KCNC2: variants seen among roughly 807,000 people sequenced by gnomAD.
KCNC2 encodes the protein voltage-gated potassium channel KCNC2.
KCNC2 carries 21 observed loss-of-function variants against 44.5 expected under a neutral mutation model. That is an observed-to-expected ratio of 0.47 (90% CI 0.33 to 0.68). The LOEUF is 0.68. KCNC2 is among the 30% of genes least tolerant of loss of function. The pLI is 0.01. For missense variants in KCNC2, 589 were observed against 826.2 expected (o/e 0.71, Z 3.52); for synonymous variants, 391 against 339.1 (o/e 1.15, Z -1.68).
At chr12:75,088,993 C>T (rs1241910566) in intron 2 of KCNC2, among the ~76,000 whole-genome samples, 4 of 151,712 alleles carry the variant, frequency 2.6e-5, no homozygotes, top group Non-Finnish European at 5.9e-5. Context: ...ATCAAGTGAA[C>T]AAGAAAATGC....
At chr12:75,106,152 A>C (rs1886764972) in intron 2 of KCNC2, among the ~76,000 whole-genome samples, 1 of 152,158 alleles carries the variant, frequency 6.6e-6, no homozygotes, top group African/African-American at 2.4e-5. Flanking sequence ...GCTGTTGATG[A>C]ATCTCAGTGT....
intron 2 of KCNC2, among the ~76,000 whole-genome samples, chr12:75,190,434 T>C (rs1390377693): frequency 6.6e-6 from 1 of 152,340 alleles, no homozygotes; most frequent in East Asian, 1.9e-4. Flanking sequence ...AATCAAAGGT[T>C]ATGCTTTCCT....
chr12:75,071,218 T>C (rs1057085096), intron 2 of KCNC2, among the ~76,000 whole-genome samples: 8 of 152,154 alleles, frequency 5.3e-5, no homozygotes, highest in African/African-American at 1.9e-4. Context: ...CAAAAGGCAT[T>C]ACATAATGCC....
chr12:75,073,713 A>T (rs1883640791), intron 2 of KCNC2, among the ~76,000 whole-genome samples: 1 of 152,170 alleles, frequency 6.6e-6, no homozygotes. Context: ...TGATTTTTGA[A>T]TGTGTTTGTT....
chr12:75,128,875 A>G (rs1888631534), intron 2 of KCNC2, among the ~76,000 whole-genome samples: 1 of 152,188 alleles, frequency 6.6e-6, no homozygotes, highest in South Asian at 2.1e-4. Context: ...TCACATGCTA[A>G]TCAGATGCAA....
rs531579616 is a variant in KCNC2 at position 75,073,441 on chromosome 12, A to G, written c.688-22124T>C. On this transcript the variant is annotated intron_variant, in intron 2 of 4. Coordinates refer to ENST00000549446, the MANE Select transcript of KCNC2 (RefSeq NM_139137.4). The stretch of plus-strand genomic sequence containing the variant: ...TATCTTCTCACTTCTTGAGATAGGT[A>G]AGATTTCCAAAAAATTAAACCAAAG... Among the ~76,000 whole-genome samples the G allele has an allele frequency of 4.6e-5, 7 of 152,288 alleles. No homozygotes were observed. The South Asian group carries it at 1.4e-3, about 32-fold the overall frequency.
chr12:75,140,786 T>C (rs958311326), intron 2 of KCNC2, among the ~76,000 whole-genome samples: 1 of 152,082 alleles, frequency 6.6e-6, no homozygotes, highest in East Asian at 1.9e-4. Context: ...ATAAAACTTT[T>C]AATGTAACGA....
intron 2 of KCNC2, among the ~76,000 whole-genome samples, chr12:75,141,896 G>A (rs1469747629): frequency 6.6e-6 from 1 of 152,070 alleles, no homozygotes; most frequent in Non-Finnish European, 1.5e-5. Context: ...CCTGTGCTAA[G>A]CAAATTATGT....
chr12:75,076,850 G>C (rs1462480127), intron 2 of KCNC2, among the ~76,000 whole-genome samples: 1 of 151,976 alleles, frequency 6.6e-6, no homozygotes, highest in Non-Finnish European at 1.5e-5. Flanking sequence ...TTATTAATTG[G>C]GTGTTAATAA....
chr12:75,048,811 A>C (rs1198590096), intron 3 of KCNC2, among the ~76,000 whole-genome samples: 1 of 152,122 alleles, frequency 6.6e-6, no homozygotes, highest in Admixed American at 6.6e-5. Context: ...AAAGCACACA[A>C]ACTCCGTTTC....
chr12:75,131,797 T>G (rs534476611), intron 2 of KCNC2, among the ~76,000 whole-genome samples: 29 of 152,264 alleles, frequency 1.9e-4, no homozygotes, highest in Non-Finnish European at 3.7e-4. Flanking sequence ...AACATCTGAA[T>G]GAGCTTCACG....
chr12:75,107,445 C>G (rs1179697169), intron 2 of KCNC2, among the ~76,000 whole-genome samples: 3 of 151,982 alleles, frequency 2.0e-5, no homozygotes. Flanking sequence ...AAATATTTTT[C>G]AGCGTCTATG....
chr12:75,043,297 AAAT>A, intron 4 of KCNC2, 56 bp from the exon 5 acceptor site: 2 of 1,601,852 alleles, frequency 1.2e-6, no homozygotes, highest in Non-Finnish European at 1.7e-6. Context: ...ATAGACAGAC[AAAT>A]AATACCATGC....
intron 4 of KCNC2, among the ~76,000 whole-genome samples, chr12:75,045,484 AT>A (rs1251862713): frequency 2.0e-5 from 3 of 151,942 alleles, no homozygotes; most frequent in Non-Finnish European, 2.9e-5. Context: ...TCATGTACAT[AT>A]TTTTTCTTTA....
intron 2 of KCNC2, among the ~76,000 whole-genome samples, chr12:75,161,213 A>G (rs956414857): frequency 1.3e-5 from 2 of 151,768 alleles, no homozygotes; most frequent in African/African-American, 2.4e-5. Context: ...AATAATTATT[A>G]TATGGAACTT....
At chr12:75,084,268 A>ATTAT (rs1565840265) in intron 2 of KCNC2, among the ~76,000 whole-genome samples, 1 of 50,562 alleles carries the variant, frequency 2.0e-5, no homozygotes, top group East Asian at 5.2e-4. Context: ...AGATAGATAG[A>ATTAT]TTAGATAGAT....
chr12:75,208,482 CCTCCT>C (rs1194602546), intron 1 of KCNC2, among the ~76,000 whole-genome samples: 1 of 151,696 alleles, frequency 6.6e-6, no homozygotes, highest in Admixed American at 6.6e-5. Context: ...TCTCCAAGAC[CCTCCT>C]CTTTCTCCCC....
intron 2 of KCNC2, among the ~76,000 whole-genome samples, chr12:75,065,696 G>A (rs1882763515): frequency 1.3e-5 from 2 of 152,006 alleles, no homozygotes; most frequent in South Asian, 4.1e-4. Context: ...AGTGTAGTAG[G>A]CAATGCCACC....
chr12:75,138,815 C>A (rs1273242764), intron 2 of KCNC2, among the ~76,000 whole-genome samples: 1 of 151,786 alleles, frequency 6.6e-6, no homozygotes, highest in Non-Finnish European at 1.5e-5. Context: ...CCCGTCTCTA[C>A]TAAAAAATAC....
Sources: allele counts gnomAD v4.1 joint callset (sites outside exome capture counted in the v4.1 genomes callset), GRCh38; gene constraint gnomAD v4.1.1; transcripts MANE v1.5; gene names NCBI Gene and HGNC (gene_info 2026-07-23, HGNC 2026-07-21).